The following VPS13D variants were observed in gnomAD, a reference collection of about 807,000 sequenced individuals.
The protein encoded by VPS13D is intermembrane lipid transfer protein VPS13D.
VPS13D carries 187 observed loss-of-function variants against 461.9 expected under a neutral mutation model. The observed-to-expected ratio is 0.40, with a 90% CI of 0.36 to 0.46. VPS13D has a LOEUF of 0.46. VPS13D is among the 20% of genes least tolerant of loss of function. VPS13D has a pLI of 0.60. For synonymous variants in VPS13D, 1,951 were observed against 1,986.3 expected (o/e 0.98, Z 0.47); for missense variants, 4,711 against 5,364.9 (o/e 0.88, Z 3.81).
chr1:12,352,402 GATA>G (rs1163960704), intron 46 of VPS13D, among the ~76,000 whole-genome samples: 1 of 152,114 alleles, frequency 6.6e-6, no homozygotes, highest in Non-Finnish European at 1.5e-5. Context: ...ACAATAAAAA[GATA>G]ATAAAAAGAA....
chr1:12,443,992 C>G (rs1372574914), intron 65 of VPS13D, among the ~76,000 whole-genome samples: 1 of 152,130 alleles, frequency 6.6e-6, no homozygotes, highest in South Asian at 2.1e-4. Context: ...ATTACAGGCA[C>G]CCGCCATCGT....
chr1:12,316,207 T>C (rs1183227874), intron 30 of VPS13D, among the ~76,000 whole-genome samples: 2 of 152,200 alleles, frequency 1.3e-5, no homozygotes, highest in Non-Finnish European at 2.9e-5. Flanking sequence ...ATTTTTAATA[T>C]ACAGGGAGCC....
intron 46 of VPS13D, among the ~76,000 whole-genome samples, chr1:12,352,119 G>A (rs867387522): frequency 5.3e-5 from 8 of 151,712 alleles, no homozygotes; most frequent in Middle Eastern, 3.4e-3. Context: ...GTGAAACTCC[G>A]TCTCTAGTAA....
chr1:12,470,452 A>G (rs562599261), intron 67 of VPS13D, among the ~76,000 whole-genome samples: 1 of 152,192 alleles, frequency 6.6e-6, no homozygotes, highest in Non-Finnish European at 1.5e-5. Context: ...CAAACCTTGA[A>G]GTGTGTTTCT....
chr1:12,404,854 T>A (rs191283846), intron 63 of VPS13D, among the ~76,000 whole-genome samples: 3 of 152,168 alleles, frequency 2.0e-5, no homozygotes, highest in Non-Finnish European at 1.5e-5. Flanking sequence ...TTAGTTTGAG[T>A]CAAAGTCAGC....
At chr1:12,310,680 A>G (rs2101494081) in intron 27 of VPS13D, among the ~76,000 whole-genome samples, 1 of 152,276 alleles carries the variant, frequency 6.6e-6, no homozygotes, top group South Asian at 2.1e-4. Flanking sequence ...TGTAATATTT[A>G]AGCTCTTTGT....
At chr1:12,497,662 G>C in intron 68 of VPS13D, 31 bp downstream of exon 68, 1 of 1,596,580 alleles carries the variant, frequency 6.3e-7, no homozygotes, top group Non-Finnish European at 8.5e-7. Context: ...CCAGCCCTGT[G>C]GGTCTACTGA....
At chr1:12,238,243 T>C (rs1640227436) in intron 2 of VPS13D, among the ~76,000 whole-genome samples, 1 of 111,406 alleles carries the variant, frequency 9.0e-6, no homozygotes, top group Non-Finnish European at 1.7e-5. Context: ...CCAAAAAATA[T>C]ATATATATAC....
chr1:12,282,719 G>A lies in VPS13D; in HGVS notation c.4617G>A (p.Lys1539=), dbSNP rs745866831. 2.5e-6 allele frequency: 4 copies of A among 1,605,192 alleles called. No homozygotes were observed. In the South Asian group the frequency reaches 4.4e-5, roughly 18 times the overall value. The change falls in exon 21 of 70, where the codon AAG becomes AAA. Residue 1539 remains lysine (K), a synonymous_variant. Coordinates refer to ENST00000620676, the MANE Select transcript of VPS13D (RefSeq NM_015378.4). The part of the protein sequence containing the change: ...FVNPVQVVLA[K]HVYEQVLQTL... Reference sequence around the variant, plus strand: ...TTTCAATACAGGTGGTGTTAGCAAAGCATGTATATGAGCAGGTTTTACAAA... The same window carrying A: ...TTTCAATACAGGTGGTGTTAGCAAAACATGTATATGAGCAGGTTTTACAAA...
chr1:12,287,969 T>C (rs1294443316), intron 21 of VPS13D, among the ~76,000 whole-genome samples: 1 of 152,214 alleles, frequency 6.6e-6, no homozygotes, highest in Non-Finnish European at 1.5e-5. Context: ...AAGCATCTCA[T>C]GAACAGAAAA....
At chr1:12,323,402 C>T (rs1200108259) in intron 34 of VPS13D, among the ~76,000 whole-genome samples, 1 of 152,020 alleles carries the variant, frequency 6.6e-6, no homozygotes, top group Non-Finnish European at 1.5e-5. Context: ...GTTTCAAACA[C>T]AGTCAGGGGA....
At chr1:12,472,702 A>G (rs1261064517) in intron 67 of VPS13D, among the ~76,000 whole-genome samples, 1 of 152,192 alleles carries the variant, frequency 6.6e-6, no homozygotes, top group Non-Finnish European at 1.5e-5. Context: ...TTTAATCAGA[A>G]GTCCTATAAT....
intron 67 of VPS13D, among the ~76,000 whole-genome samples, chr1:12,476,394 TC>T (rs1274024305): frequency 5.3e-5 from 8 of 152,248 alleles, no homozygotes; most frequent in African/African-American, 1.9e-4. Flanking sequence ...TCCTGATGCA[TC>T]TGGGCTCATG....
At position 12,268,803 on chromosome 1, in the gene VPS13D, G is replaced by A. The variant is rs759076336; in HGVS notation, c.1899G>A (p.Leu633=). Residue 633 remains leucine (L), a synonymous_variant, in exon 16 of 70, where the codon TTG becomes TTA. Coordinates refer to ENST00000620676, the MANE Select transcript of VPS13D (RefSeq NM_015378.4). ...ERRLNVSTRP[L]NIIYNPQAIK... ...GGCTCAATGTCAGCACAAGGCCCTT[G>A]AACATCATATACAATCCGCAGGCCA... 2 of 1,614,050 alleles carry A rather than the reference G, an allele frequency of 1.2e-6. No homozygotes were observed. Among genetic ancestry groups the A allele is most frequent in the Non-Finnish European group, 1.7e-6 (2 of 1,179,992 alleles).
chr1:12,341,960 G>A (rs1242219711), intron 41 of VPS13D, 75 bp downstream of exon 41: 1 of 1,393,474 alleles, frequency 7.2e-7, no homozygotes, highest in Non-Finnish European at 1.0e-6. Flanking sequence ...GTAGAGCAAG[G>A]TGGGCCCCCT....
intron 5 of VPS13D, among the ~76,000 whole-genome samples, chr1:12,248,236 A>G (rs530259674): frequency 9.2e-5 from 14 of 152,074 alleles, no homozygotes; most frequent in Non-Finnish European, 1.8e-4. Flanking sequence ...TTGTTGAGTT[A>G]TAAGAGCTCT....
intron 67 of VPS13D, among the ~76,000 whole-genome samples, chr1:12,481,129 C>T (rs115037374): frequency 0.034 from 5,205 of 152,276 alleles, 180 homozygotes; most frequent in Admixed American, 0.11. Flanking sequence ...AGAAGCATGA[C>T]AGGAAGTGGT....
At chr1:12,373,567 G>C (rs1251395141) in intron 54 of VPS13D, among the ~76,000 whole-genome samples, 183 bp from the exon 55 acceptor site, 1 of 151,762 alleles carries the variant, frequency 6.6e-6, no homozygotes, top group African/African-American at 2.4e-5. Context: ...ACTGTGTAGG[G>C]AAAAAAATGC....
intron 67 of VPS13D, among the ~76,000 whole-genome samples, chr1:12,462,008 T>C (rs994588286): frequency 6.6e-6 from 1 of 152,252 alleles, no homozygotes; most frequent in Non-Finnish European, 1.5e-5. Flanking sequence ...TTTGATTTTC[T>C]GTCAGCCAGT....
Sources: gnomAD v4.1 joint callset for allele counts (sites outside exome capture counted in the v4.1 genomes callset) on GRCh38, gnomAD v4.1.1 for gene constraint, MANE v1.5 for transcripts, NCBI Gene and HGNC (gene_info 2026-07-23, HGNC 2026-07-21) for gene names.